The following GORASP2 variants were observed in gnomAD, a reference collection of about 807,000 sequenced individuals.
The protein encoded by GORASP2 is Golgi reassembly-stacking protein 2.
In GORASP2, 22 loss-of-function variants were observed where a neutral mutation model predicts 45.7. The observed-to-expected ratio is 0.48, with a 90% confidence interval of 0.34 to 0.69. The LOEUF (loss-of-function observed/expected upper bound fraction) is 0.69, where lower values mean the gene tolerates loss of function less well. Ranked by LOEUF, GORASP2 falls within the 30% of genes least tolerant of loss-of-function variation. The pLI is 0.01. For synonymous variants in GORASP2, 221 were observed against 215.6 expected (o/e 1.02, Z -0.22); for missense variants, 491 against 562.7 (o/e 0.87, Z 1.29).
At position 170,954,700 on chromosome 2, in the gene GORASP2, C is replaced by T. The variant is rs534480653; in HGVS notation, c.617C>T (p.Pro206Leu). 1.9e-6 allele frequency: 3 copies of T among 1,613,066 alleles called. No homozygotes were observed. In the South Asian group the frequency reaches 3.3e-5, roughly 18 times the overall value. ...TATTTGCATCGAATACCTACACGCCCATTTGAGGAAGGAAAGAAAATTTCT... is the reference window on the plus strand; with the variant it reads ...TATTTGCATCGAATACCTACACGCCTATTTGAGGAAGGAAAGAAAATTTCT... ...YGYLHRIPTR[P>L]FEEGKKISLP... Residue 206 changes from proline (P) to leucine (L), a missense_variant, in exon 6 of 10, where the codon CCA (proline) becomes CTA (leucine). Physicochemically the swap from Pro to Leu is moderately conservative, Grantham distance 98. This residue lies in a region of GORASP2 where 194 missense variants were observed against 270.4 expected (regional missense o/e 0.72). Coordinates refer to ENST00000234160, the MANE Select transcript of GORASP2 (RefSeq NM_015530.5).
chr2:170,965,801 CT>C lies in GORASP2; in HGVS notation c.1032del (p.Pro345LeufsTer70). On this transcript the variant is annotated frameshift_variant, in exon 10 of 10. Coordinates refer to ENST00000234160, the MANE Select transcript of GORASP2 (RefSeq NM_015530.5). LOFTEE classifies it high-confidence loss of function. ...PELVNPGLPPLPSMPPRNLPG... is the reference protein window; with the variant it reads ...PELVNPGLPPXPSMPPRNLPG... ...CGTTTTTGTCCTAGGTCTGCCACCT[CT>C]TCCTTCCATGCCTCCCCGAAACTTA... 3.1e-6 allele frequency: 5 copies of C among 1,613,662 alleles called. No homozygotes were observed. Among genetic ancestry groups the C allele is most frequent in the Non-Finnish European group, 4.2e-6 (5 of 1,179,590 alleles).
intron 1 of GORASP2, among the ~76,000 whole-genome samples, chr2:170,932,015 C>A (rs1703836708): frequency 6.6e-6 from 1 of 152,212 alleles, no homozygotes; most frequent in Admixed American, 6.5e-5. Context: ...CACCTGAGGT[C>A]AGGAGTTCGA....
In GORASP2 at chr2:170,951,660, CCTTTT is replaced by C. The variant is rs555940332; in HGVS notation, c.566+207_566+211del. ...GGGAACATAGTATATATACTATAGT[CCTTTT>C]CTTTACTAACCTAAGAGCTAACAGC... On this transcript the variant is annotated intron_variant, in intron 5 of 9. Transcript: ENST00000234160. The C allele has an allele frequency of 1.6e-4, 54 of 341,088 alleles. 1 individual carries two copies. Among genetic ancestry groups the C allele is most frequent in the Non-Finnish European group, 2.2e-4 (42 of 188,766 alleles). 21.1% of individuals were successfully genotyped at this position (341,088 alleles called of 1,614,324 possible). A position where few individuals can be genotyped will look rare whatever the true frequency, so the allele number is the denominator to read the frequency against.
rs1704694530 is a variant in GORASP2, at chr2:170,966,632, C to T, written c.*502C>T. ...AGTCGCATCTCTACTAAGGTTTACA[C>T]AGGAATTCCACCTGAAGACTTGTGT... On this transcript the variant is annotated 3_prime_UTR_variant, in exon 10 of 10. Transcript: ENST00000234160. The T allele has an allele frequency of 5.9e-6, 1 of 168,252 alleles. No individual in the cohort carries two copies. The allele number at this position is 168,252 out of a possible 1,614,324, so 10.4% of individuals were successfully genotyped here.
At chr2:170,934,452 G>A (rs1703898311) in intron 1 of GORASP2, among the ~76,000 whole-genome samples, 1 of 151,646 alleles carries the variant, frequency 6.6e-6, no homozygotes, top group Non-Finnish European at 1.5e-5. Context: ...TAGAGGTGGG[G>A]TTTCACCATG....
At chr2:170,958,171 C>T (rs1469461062) in intron 7 of GORASP2, among the ~76,000 whole-genome samples, 1 of 152,156 alleles carries the variant, frequency 6.6e-6, no homozygotes, top group Admixed American at 6.5e-5. Flanking sequence ...TTCAAACATA[C>T]ACAAAAGAGC....
chr2:170,954,757 C>A lies in GORASP2; in HGVS notation c.674C>A (p.Thr225Lys). 2 of 1,613,492 alleles carry A rather than the reference C, an allele frequency of 1.2e-6. No individual in the cohort carries two copies. Among genetic ancestry groups the A allele is most frequent in the Non-Finnish European group, 1.7e-6 (2 of 1,179,560 alleles). The change falls in exon 6 of 10, where the codon ACA (threonine) becomes AAA (lysine). Residue 225 changes from threonine to lysine, a missense_variant. Physicochemically the swap from Thr to Lys is moderately conservative, Grantham distance 78. Around this residue, in one of 2 missense-constraint regions of GORASP2, gnomAD observed 297 missense variants for 292.3 expected, o/e 1.02. Transcript: ENST00000234160. Reference sequence around the variant, plus strand: ...GGACAAATGGCTGGTACACCTATTACACCTCTTAAAGATGGGTTTACAGAG... The same window carrying A: ...GGACAAATGGCTGGTACACCTATTAAACCTCTTAAAGATGGGTTTACAGAG... ...LPGQMAGTPI[T>K]PLKDGFTEVQ...
rs1704690863 is a variant in GORASP2 at position 170,966,502 on chromosome 2, A to T, written c.*372A>T. The stretch of plus-strand genomic sequence containing the variant: ...AAGAAAATGAAATATTCTATGCCTA[A>T]TACTCACACGCAACATTTCTTGTAC... On this transcript the variant is annotated 3_prime_UTR_variant, in exon 10 of 10. Coordinates refer to ENST00000234160, the MANE Select transcript of GORASP2 (RefSeq NM_015530.5). 3 of 281,120 alleles carry T rather than the reference A, an allele frequency of 1.1e-5. No individual in the cohort carries two copies. The highest frequency in any genetic ancestry group is 2.0e-5 in the Non-Finnish European group (3 of 147,468). The allele number at this position is 281,120 out of a possible 1,614,324, so 17.4% of individuals were successfully genotyped here.
rs761939457 is a variant in GORASP2 at position 170,965,763 on chromosome 2, G to GT, written c.1019-26dup. The GT allele has an allele frequency of 2.7e-6, 4 of 1,484,156 alleles. No homozygotes were observed. In the African/African-American group the frequency reaches 5.5e-5, roughly 20 times the overall value. The allele number at this position is 1,484,156 out of a possible 1,614,324, so 91.9% of individuals were successfully genotyped here. A position where few individuals can be genotyped will look rare whatever the true frequency, so the allele number is the denominator to read the frequency against. ...GCTGTCCTTTCAGTGCTGGGAGGATGTATGATCTATGCCGTTTTTGTCCTA... is the reference window on the plus strand; with the variant it reads ...GCTGTCCTTTCAGTGCTGGGAGGATGTTATGATCTATGCCGTTTTTGTCCTA... On this transcript the variant is annotated intron_variant, in intron 9 of 9. Transcript: ENST00000234160.
intron 1 of GORASP2, among the ~76,000 whole-genome samples, chr2:170,932,537 G>C (rs1703853366): frequency 6.6e-6 from 1 of 152,114 alleles, no homozygotes; most frequent in Non-Finnish European, 1.5e-5. Flanking sequence ...CCTTTTCCCA[G>C]ATTACTGTAT....
chr2:170,956,412 T>C (rs1559314225), intron 6 of GORASP2, 24 bp from the exon 7 acceptor site: 1 of 1,565,422 alleles, frequency 6.4e-7, no homozygotes, highest in East Asian at 2.2e-5. Flanking sequence ...GTAATCTTTG[T>C]GTTTTTTTTT....
At chr2:170,950,643 T>C (rs1704279909) in intron 4 of GORASP2, among the ~76,000 whole-genome samples, 1 of 152,208 alleles carries the variant, frequency 6.6e-6, no homozygotes, top group Admixed American at 6.5e-5. Context: ...ATTACATCCT[T>C]TTCCTTGTCT....
chr2:170,961,644 G>A lies in GORASP2; in HGVS notation c.824-19G>A, dbSNP rs755152661. 3.0e-6 allele frequency: 4 copies of A among 1,320,564 alleles called. No homozygotes were observed. The highest frequency in any genetic ancestry group is 4.4e-6 in the Non-Finnish European group (4 of 911,878). 81.8% of individuals were successfully genotyped at this position (1,320,564 alleles called of 1,614,324 possible). Reference sequence around the variant, plus strand: ...CGACTAAATTTGTTAGAAATGAAAAGATTGTGCTTTCTTTTTAGGTGTACC... The same window carrying A: ...CGACTAAATTTGTTAGAAATGAAAAAATTGTGCTTTCTTTTTAGGTGTACC... On this transcript the variant is annotated intron_variant, in intron 7 of 9. Transcript: ENST00000234160.
chr2:170,936,303 T>C (rs1399784147), intron 1 of GORASP2, among the ~76,000 whole-genome samples: 1 of 146,258 alleles, frequency 6.8e-6, no homozygotes, highest in Non-Finnish European at 1.5e-5. Flanking sequence ...CATGGCCCAC[T>C]GCAGCCTTGA....
chr2:170,940,050 G>A (rs1475090781), intron 1 of GORASP2, among the ~76,000 whole-genome samples: 1 of 151,898 alleles, frequency 6.6e-6, no homozygotes, highest in Non-Finnish European at 1.5e-5. Context: ...GGGCTTTTCT[G>A]CATTTTATGT....
intron 7 of GORASP2, among the ~76,000 whole-genome samples, chr2:170,958,516 T>C (rs1449304032): frequency 6.6e-6 from 1 of 152,216 alleles, no homozygotes; most frequent in African/African-American, 2.4e-5. Context: ...ATTTTTTGCC[T>C]ACATCTCATC....
intron 9 of GORASP2, 90 bp downstream of exon 9, chr2:170,963,036 C>G: frequency 1.2e-6 from 1 of 815,934 alleles, no homozygotes; most frequent in Admixed American, 1.9e-5. Context: ...CTGGAGAGAG[C>G]AAATCAGTTT....
intron 6 of GORASP2, 80 bp from the exon 7 acceptor site, chr2:170,956,356 G>C: frequency 1.6e-6 from 2 of 1,269,986 alleles, no homozygotes; most frequent in Non-Finnish European, 2.2e-6. Context: ...TCTATCTGCA[G>C]GGCAAGTAAG....
At chr2:170,929,530 G>T in intron 1 of GORASP2, 127 bp downstream of exon 1, 1 of 805,448 alleles carries the variant, frequency 1.2e-6, no homozygotes, top group Non-Finnish European at 1.8e-6. Context: ...CGGCGGTCGC[G>T]GGCGCTGCCT....
Sources: allele counts gnomAD v4.1 joint callset (sites outside exome capture counted in the v4.1 genomes callset), GRCh38; gene constraint gnomAD v4.1.1; regional missense constraint gnomAD v4.1.1; transcripts MANE v1.5; gene names NCBI Gene and HGNC (gene_info 2026-07-23, HGNC 2026-07-21).